MAEA: variants seen among roughly 807,000 people sequenced by gnomAD.
MAEA encodes macrophage erythroblast attacher, E3 ubiquitin ligase, also known as E3 ubiquitin-protein transferase MAEA.
Under a neutral mutation model 46.2 loss-of-function variants are expected in MAEA, and 22 were observed. The observed-to-expected ratio is 0.48, with a 90% CI of 0.34 to 0.68. The LOEUF (loss-of-function observed/expected upper bound fraction) is 0.68. Ranked by LOEUF, MAEA falls within the 30% of genes least tolerant of loss-of-function variation. The pLI is 0.01. For missense variants in MAEA, 393 were observed against 558.1 expected, an observed-to-expected ratio of 0.70 and a Z score of 2.98; for synonymous variants, 246 against 222.6, an observed-to-expected ratio of 1.11 and a Z score of -0.94.
chr4:1,314,474 G>A (rs560294665), intron 2 of MAEA, among the ~76,000 whole-genome samples: 6 of 152,314 alleles, frequency 3.9e-5, no homozygotes, highest in East Asian at 1.9e-4. Context: ...GAGGGTGATC[G>A]AGAATGGAGC....
chr4:1,323,498 C>T (rs758170455), intron 4 of MAEA: 24 of 702,340 alleles, frequency 3.4e-5, no homozygotes, highest in African/African-American at 1.9e-4. Context: ...CACTCAGGGC[C>T]GCCAAAACAA....
chr4:1,315,550 T>A lies in MAEA; in HGVS notation c.406T>A (p.Cys136Ser). The A allele has an allele frequency of 6.2e-7, 1 of 1,613,730 alleles. No individual in the cohort carries two copies. Among genetic ancestry groups the A allele is most frequent in the Non-Finnish European group, 8.5e-7 (1 of 1,179,932 alleles). Residue 136 changes from cysteine to serine, a missense_variant, in exon 3 of 9, where the codon TGC becomes AGC. By Grantham distance (112) the Cys-to-Ser change is moderately radical. Coordinates refer to ENST00000303400, the MANE Select transcript of MAEA (RefSeq NM_001017405.3). ...DRMMVEHLLR[C>S]GYYNTAVKLA... is the part of the protein sequence containing the mutation. ...CATGATGGTGGAGCACCTGCTGCGTTGCGGCTACTACAACACGGCTGTCAA... is the reference window on the plus strand; with the variant it reads ...CATGATGGTGGAGCACCTGCTGCGTAGCGGCTACTACAACACGGCTGTCAA...
chr4:1,312,226 A>G (rs1361885282), intron 2 of MAEA, 65 bp downstream of exon 2: 1 of 1,588,550 alleles, frequency 6.3e-7, no homozygotes, highest in Admixed American at 1.7e-5. Context: ...CTCGAAAATG[A>G]GTCCTAAGAC....
chr4:1,328,903 G>C, intron 5 of MAEA: 2 of 1,014,138 alleles, frequency 2.0e-6, no homozygotes, highest in Non-Finnish European at 1.2e-6. Flanking sequence ...CGGGGATCTC[G>C]GGACCCGGGC....
chr4:1,314,015 C>T (rs1018463539), intron 2 of MAEA, among the ~76,000 whole-genome samples: 7 of 151,650 alleles, frequency 4.6e-5, no homozygotes, highest in African/African-American at 1.7e-4. Context: ...GACTGGGCAA[C>T]AGAGTGAGAC....
At chr4:1,323,458 C>T (rs373667991) in intron 4 of MAEA, 14 of 702,386 alleles carry the variant, frequency 2.0e-5, no homozygotes, top group South Asian at 4.4e-5. Context: ...GCAGGGTGCA[C>T]GCAGTTACCA....
chr4:1,313,414 T>G (rs1736756495), intron 2 of MAEA, among the ~76,000 whole-genome samples: 1 of 152,080 alleles, frequency 6.6e-6, no homozygotes, highest in African/African-American at 2.4e-5. Context: ...GGCTGCCAGG[T>G]GCCACACCTT....
Position 1,327,629 on chromosome 4 carries a change from C to G in MAEA, c.582C>G (p.Ser194Arg), listed in dbSNP as rs759389547. The stretch of plus-strand genomic sequence containing the variant: ...CCTCGTCTTGTCTTTGCCCTCAGAG[C>G]TGCCTGGAGTTCAGCCTCAGAATCC... ...DNKSRLRKMK[S>R]CLEFSLRIQE... Residue 194 changes from serine to arginine, a missense_variant and splice_region_variant, in exon 5 of 9, where the codon AGC (serine) becomes AGG (arginine). By Grantham distance (110) the Ser-to-Arg change is moderately radical (BLOSUM62 -1). Transcript: ENST00000303400. The G allele has an allele frequency of 6.2e-7, 1 of 1,613,470 alleles. No individual in the cohort carries two copies. The highest frequency in any genetic ancestry group is 8.5e-7 in the Non-Finnish European group (1 of 1,179,582).
intron 3 of MAEA, 143 bp from the exon 4 acceptor site, chr4:1,322,238 G>T: frequency 1.7e-6 from 2 of 1,170,564 alleles, no homozygotes; most frequent in Non-Finnish European, 2.5e-6. Context: ...TAGTCCACGA[G>T]TGCAGACCCA....
rs764363181 is a variant in MAEA at position 1,311,987 on chromosome 4, C to T, written c.78C>T (p.Tyr26=). ...TCCTCCTTCCTCTCCAGGTGCCCTA[C>T]GAGACGCTGAACAAACGCTTTCGCG... ...VQEYPTLKVP[Y]ETLNKRFRAA... The change falls in exon 2 of 9, where the codon TAC becomes TAT. Residue 26 remains tyrosine (Y), a synonymous_variant. Transcript: ENST00000303400. This position sits in a 1 kb window ranked among gnomAD's most constrained non-coding sequence, Gnocchi z 4.4. 8.7e-6 allele frequency: 14 copies of T among 1,608,182 alleles called. No individual in the cohort carries two copies. Among genetic ancestry groups the T allele is most frequent in the South Asian group, 6.6e-5 (6 of 90,782 alleles).
At chr4:1,334,431 A>G (rs1048894413) in intron 6 of MAEA, among the ~76,000 whole-genome samples, 4 of 152,114 alleles carry the variant, frequency 2.6e-5, no homozygotes, top group African/African-American at 9.7e-5. Flanking sequence ...TCTCATAATA[A>G]ATCATCATTA....
intron 4 of MAEA, among the ~76,000 whole-genome samples, chr4:1,325,722 C>T (rs1577213396): frequency 6.6e-6 from 1 of 152,084 alleles, no homozygotes; most frequent in African/African-American, 2.4e-5. Context: ...CCCTTCCCTT[C>T]CTCTCCTGCC....
chr4:1,322,306 G>A (rs552473531), intron 3 of MAEA, 75 bp from the exon 4 acceptor site: 4 of 1,585,646 alleles, frequency 2.5e-6, no homozygotes, highest in Non-Finnish European at 3.4e-6. Context: ...GCCTCATGGA[G>A]GCTGGGGTGT....
At chr4:1,296,691 C>G (rs1026518162) in intron 1 of MAEA, among the ~76,000 whole-genome samples, 1 of 151,860 alleles carries the variant, frequency 6.6e-6, no homozygotes, top group Non-Finnish European at 1.5e-5. Context: ...CCCTTCATGT[C>G]TCTCTTCCTG....
intron 5 of MAEA, chr4:1,329,305 TC>T (rs745620070): frequency 1.0e-6 from 1 of 982,786 alleles, no homozygotes; most frequent in South Asian, 4.7e-5. Flanking sequence ...TTGCCTGTGT[TC>T]CCCCCGCTCC....
At position 1,299,007 on chromosome 4, in the gene MAEA, G is replaced by A. The variant is rs538779255; in HGVS notation, c.69+9025G>A. ...GGTGATCTTCCTGCCTCAGCCTCCC[G>A]GGTAACTGGGACCACGGGCGCCTGC... On this transcript the variant is annotated intron_variant, in intron 1 of 8. Coordinates refer to ENST00000303400, the MANE Select transcript of MAEA (RefSeq NM_001017405.3). Among the ~76,000 whole-genome samples the A allele has an allele frequency of 3.9e-5, 6 of 152,084 alleles. No individual in the cohort carries two copies. In the East Asian group the frequency reaches 5.8e-4, roughly 15 times the overall value.
chr4:1,337,263 C>T (rs1268742583), intron 7 of MAEA: 1 of 484,964 alleles, frequency 2.1e-6, no homozygotes, highest in South Asian at 2.3e-5. Flanking sequence ...TCTAAAAGCC[C>T]GATTTTGATG....
intron 3 of MAEA, among the ~76,000 whole-genome samples, chr4:1,319,158 C>T (rs115954820): frequency 0.016 from 2,451 of 152,242 alleles, 70 homozygotes; most frequent in African/African-American, 0.056. Context: ...TTGAGACCAG[C>T]CTGGGCAGCA....
At chr4:1,290,443 G>T (rs1733984340) in intron 1 of MAEA, among the ~76,000 whole-genome samples, 3 of 152,172 alleles carry the variant, frequency 2.0e-5, no homozygotes. Flanking sequence ...CGGCCTGATG[G>T]CACCCAGCGA....
Sources: allele counts gnomAD v4.1 joint callset (sites outside exome capture counted in the v4.1 genomes callset), GRCh38; gene constraint gnomAD v4.1.1; non-coding constraint Gnocchi (gnomAD v3.1); transcripts MANE v1.5; gene names NCBI Gene and HGNC (gene_info 2026-07-23, HGNC 2026-07-21).